Variants in PLD5 observed in about 807,000 individuals in gnomAD.
PLD5 encodes the protein inactive phospholipase D5.
A neutral mutation model predicts 61.1 loss-of-function variants in PLD5; 36 were observed. The observed-to-expected ratio is 0.59, with a 90% CI of 0.45 to 0.78. PLD5 has a LOEUF of 0.78. Among genes scored for constraint, PLD5 ranks in the 30% least tolerant of loss-of-function variants. The pLI is 0.00. For synonymous variants in PLD5, 243 were observed against 242.8 expected (o/e 1.00, Z -0.01); for missense variants, 515 against 644.4 (o/e 0.80, Z 2.17).
At chr1:242,174,939 G>A (rs1188199931) in intron 5 of PLD5, among the ~76,000 whole-genome samples, 1 of 152,118 alleles carries the variant, frequency 6.6e-6, no homozygotes, top group Non-Finnish European at 1.5e-5. Context: ...TATACCTAAT[G>A]TAAATGATGA....
At chr1:242,529,530 G>A (rs1197344380), upstream of PLD5, among the ~76,000 whole-genome samples, 5 of 152,088 alleles carry the variant, frequency 3.3e-5, no homozygotes, top group Non-Finnish European at 7.3e-5. Flanking sequence ...GGACCAAGGG[G>A]CAACACTATG....
chr1:242,207,902 A>ATATATATATATT, intron 5 of PLD5, among the ~76,000 whole-genome samples: 1 of 21,078 alleles, frequency 4.7e-5, no homozygotes, highest in Non-Finnish European at 7.9e-5. Context: ...ATATTTATAT[A>ATATATATATATT]TTTATATATA....
chr1:242,441,920 T>C (rs973261745), intron 1 of PLD5, among the ~76,000 whole-genome samples: 1 of 152,250 alleles, frequency 6.6e-6, no homozygotes, highest in African/African-American at 2.4e-5. Flanking sequence ...GAAAGTTAAC[T>C]GACATATTTT....
At chr1:242,151,751 C>T (rs548240001) in intron 5 of PLD5, among the ~76,000 whole-genome samples, 2 of 152,210 alleles carry the variant, frequency 1.3e-5, no homozygotes, top group South Asian at 2.1e-4. Context: ...TTCTCAGTTA[C>T]ATAAATTACT....
intron 5 of PLD5, among the ~76,000 whole-genome samples, chr1:242,213,052 C>T (rs1669929917): frequency 6.6e-6 from 1 of 152,172 alleles, no homozygotes; most frequent in Non-Finnish European, 1.5e-5. Context: ...TTTTGCATGA[C>T]TTACATGCTA....
At position 242,524,179 on chromosome 1, in the gene PLD5, A is replaced by G; in HGVS notation, c.98T>C (p.Leu33Pro). ...KSRPKEPSPS[L>P]TRVGANFYSS... ...GTAGAAGTTCGCGCCCACTCGGGTC[A>G]GGCTTGGGGAGGGCTCCTTGGGGCG... The change falls in exon 1 of 10, where the codon CTG becomes CCG. Residue 33 changes from leucine to proline, a missense_variant. Leu to Pro is a moderately conservative substitution (Grantham distance 98). Coordinates refer to ENST00000536534, the MANE Select transcript of PLD5 (RefSeq NM_001372062.1). The G allele has an allele frequency of 6.5e-7, 1 of 1,534,750 alleles. No homozygotes were observed. Among genetic ancestry groups the G allele is most frequent in the Non-Finnish European group, 8.7e-7 (1 of 1,146,208 alleles).
chr1:242,465,018 T>C (rs1325291250), intron 1 of PLD5, among the ~76,000 whole-genome samples: 2 of 152,210 alleles, frequency 1.3e-5, no homozygotes, highest in Non-Finnish European at 2.9e-5. Context: ...GGCAGGTGAC[T>C]CTTTCTGGGT....
At position 242,377,260 on chromosome 1, in the gene PLD5, G is replaced by A; in HGVS notation, c.190-29018C>T. 8 of 1,610,280 alleles carry A rather than the reference G, an allele frequency of 5.0e-6. 1 individual carries two copies. Among genetic ancestry groups the A allele is most frequent in the Non-Finnish European group, 6.8e-6 (8 of 1,178,386 alleles). ...GATTTGTGCTGAGGGACGTGTTCGT[G>A]GAACTGCAGCAGGTTTTCAGTGGTG... On this transcript the variant is annotated intron_variant, in intron 1 of 9. Coordinates refer to ENST00000536534, the MANE Select transcript of PLD5 (RefSeq NM_001372062.1).
intron 1 of PLD5, among the ~76,000 whole-genome samples, chr1:242,390,890 G>A (rs61848724): frequency 0.12 from 14,283 of 115,976 alleles, 745 homozygotes; most frequent in Admixed American, 0.19. Context: ...AGTTTTTATG[G>A]TAGTCAAAGT....
At chr1:242,396,080 A>G (rs1663556781) in intron 1 of PLD5, among the ~76,000 whole-genome samples, 1 of 152,154 alleles carries the variant, frequency 6.6e-6, no homozygotes, top group Non-Finnish European at 1.5e-5. Context: ...TGGCAGTTTC[A>G]TATGATGCAA....
intron 5 of PLD5, among the ~76,000 whole-genome samples, chr1:242,175,095 A>G (rs917971395): frequency 2.0e-5 from 3 of 152,200 alleles, no homozygotes; most frequent in Non-Finnish European, 4.4e-5. Context: ...TCCCTAACTC[A>G]TTTTATGAGG....
chr1:242,373,278 A>C (rs1661746808), intron 1 of PLD5, among the ~76,000 whole-genome samples: 1 of 152,188 alleles, frequency 6.6e-6, no homozygotes, highest in African/African-American at 2.4e-5. Flanking sequence ...TAGAATGGCG[A>C]TCATTAAAAA....
Position 242,089,311 on chromosome 1 carries a change from G to C in PLD5, c.*543C>G. Reference sequence around the variant, plus strand: ...AAAACTTATGGTATAAGAAGAAAATGAGCAAGACAGAAAAGGATATTTTTC... The same window carrying C: ...AAAACTTATGGTATAAGAAGAAAATCAGCAAGACAGAAAAGGATATTTTTC... On this transcript the variant is annotated 3_prime_UTR_variant, in exon 10 of 10. Coordinates refer to ENST00000536534, the MANE Select transcript of PLD5 (RefSeq NM_001372062.1). 1 of 399,570 alleles carries C rather than the reference G, an allele frequency of 2.5e-6. No individual in the cohort carries two copies. Among genetic ancestry groups the C allele is most frequent in the Non-Finnish European group, 4.4e-6 (1 of 226,794 alleles). 24.8% of individuals were successfully genotyped at this position (399,570 alleles called of 1,614,324 possible).
intron 4 of PLD5, among the ~76,000 whole-genome samples, chr1:242,222,018 G>C (rs555769778): frequency 2.0e-5 from 3 of 152,100 alleles, no homozygotes; most frequent in African/African-American, 4.8e-5. Context: ...GACATGCAGG[G>C]AAGCATCCTT....
chr1:242,099,405 G>A lies in PLD5; in HGVS notation c.1354+1263C>T, dbSNP rs192998048. 1.7e-4 allele frequency among the ~76,000 whole-genome samples: 26 copies of A among 152,282 alleles called. No homozygotes were observed. In the East Asian group the frequency reaches 2.5e-3, roughly 15 times the overall value. On this transcript the variant is annotated intron_variant, in intron 9 of 9. Transcript: ENST00000536534. ...GCCTCCCAAAGTGGCTGGGATTACC[G>A]TGTGAACCACTGCACCCAGCCAGAT...
intron 5 of PLD5, among the ~76,000 whole-genome samples, chr1:242,154,517 G>A (rs1013449795): frequency 2.0e-4 from 31 of 151,926 alleles, no homozygotes; most frequent in Admixed American, 1.6e-3. Flanking sequence ...GATACTTTCC[G>A]TCAATACCCA....
At chr1:242,461,976 T>G (rs1267635512) in intron 1 of PLD5, among the ~76,000 whole-genome samples, 4 of 152,266 alleles carry the variant, frequency 2.6e-5, no homozygotes, top group Non-Finnish European at 5.9e-5. Flanking sequence ...TTTGGGCCTT[T>G]GTTAAATGCA....
chr1:242,394,176 ATATATGAG>A (rs200943987), intron 1 of PLD5, among the ~76,000 whole-genome samples: 1,582 of 77,024 alleles, frequency 0.021, 47 homozygotes, highest in African/African-American at 0.054. Context: ...ATATATGTGT[ATATATGAG>A]TATATATGAG....
At chr1:242,164,963 C>T (rs2148858399) in intron 5 of PLD5, among the ~76,000 whole-genome samples, 1 of 152,276 alleles carries the variant, frequency 6.6e-6, no homozygotes, top group Admixed American at 6.5e-5. Flanking sequence ...TGTTTTCCCA[C>T]CTGCCAGTAT....
Sources: gnomAD v4.1 joint callset for allele counts (sites outside exome capture counted in the v4.1 genomes callset) on GRCh38, gnomAD v4.1.1 for gene constraint, MANE v1.5 for transcripts, NCBI Gene and HGNC (gene_info 2026-07-23, HGNC 2026-07-21) for gene names.